MAGI1: variants seen among roughly 807,000 people sequenced by gnomAD.
MAGI1 encodes membrane-associated guanylate kinase, WW and PDZ domain-containing protein 1.
A neutral mutation model predicts 139.9 loss-of-function variants in MAGI1; 58 were observed. The ratio of observed to expected loss-of-function variants is 0.41; its 90% CI spans 0.34 to 0.52. The LOEUF (loss-of-function observed/expected upper bound fraction) is 0.52, where lower values mean the gene tolerates loss of function less well. Among genes scored for constraint, MAGI1 ranks in the 20% least tolerant of loss-of-function variants. The probability of loss-of-function intolerance (pLI) is 0.12; values close to 1 mark genes in which losing one functional copy is unlikely to be tolerated. For missense variants in MAGI1, 1,874 were observed against 1,901.6 expected (o/e 0.99, Z 0.27); for synonymous variants, 812 against 737.9 (o/e 1.10, Z -1.63).
chr3:65,560,528 T>C (rs1576322207), intron 2 of MAGI1, among the ~76,000 whole-genome samples: 1 of 152,326 alleles, frequency 6.6e-6, no homozygotes, highest in South Asian at 2.1e-4. Flanking sequence ...CTAGAACAAA[T>C]TCTAAAGATA....
intron 1 of MAGI1, among the ~76,000 whole-genome samples, chr3:65,949,156 C>G (rs2063676957): frequency 6.6e-6 from 1 of 152,188 alleles, no homozygotes; most frequent in African/African-American, 2.4e-5. Context: ...TATTAAAATG[C>G]AAGGCCCTTG....
At chr3:65,517,512 C>A (rs535452976) in intron 2 of MAGI1, among the ~76,000 whole-genome samples, 1 of 152,304 alleles carries the variant, frequency 6.6e-6, no homozygotes, top group South Asian at 2.1e-4. Flanking sequence ...CTGTATTTCC[C>A]AGGATTATTC....
At chr3:65,635,513 A>C (rs2084560084) in intron 1 of MAGI1, among the ~76,000 whole-genome samples, 1 of 152,240 alleles carries the variant, frequency 6.6e-6, no homozygotes, top group African/African-American at 2.4e-5. Flanking sequence ...CATATGAAGA[A>C]ACCAAGAGAG....
intron 2 of MAGI1, among the ~76,000 whole-genome samples, chr3:65,560,566 C>T (rs2080299214): frequency 6.6e-6 from 1 of 152,156 alleles, no homozygotes. Context: ...AGCCGGTCAT[C>T]TGCAATTAAT....
chr3:65,573,606 A>G (rs115681675), intron 2 of MAGI1, among the ~76,000 whole-genome samples: 2,915 of 152,202 alleles, frequency 0.019, 45 homozygotes, highest in Non-Finnish European at 0.029. Flanking sequence ...TGATGAAAAG[A>G]ATTTATGAAA....
intron 2 of MAGI1, among the ~76,000 whole-genome samples, chr3:65,582,827 A>G (rs2081501639): frequency 6.6e-6 from 1 of 152,228 alleles, no homozygotes; most frequent in African/African-American, 2.4e-5. Flanking sequence ...TACATACGCC[A>G]CATCAGCAAA....
chr3:65,453,375 G>GA (rs370264784), intron 5 of MAGI1, 35 bp from the exon 6 acceptor site: 63,000 of 826,956 alleles, frequency 0.076, 79 homozygotes, highest in African/African-American at 0.11. Flanking sequence ...AAATTTGTTT[G>GA]AAAAAAAAAA....
At chr3:65,865,253 G>A (rs991117877) in intron 1 of MAGI1, among the ~76,000 whole-genome samples, 6 of 152,144 alleles carry the variant, frequency 3.9e-5, no homozygotes, top group Non-Finnish European at 8.8e-5. Context: ...AGTCTAGGAT[G>A]TGAGCCAATA....
chr3:65,408,452 T>C (rs1414653751), intron 12 of MAGI1, among the ~76,000 whole-genome samples: 3 of 152,136 alleles, frequency 2.0e-5, no homozygotes, highest in Non-Finnish European at 1.5e-5. Flanking sequence ...TTGGGGGTAG[T>C]AGGTTGATGA....
intron 2 of MAGI1, among the ~76,000 whole-genome samples, chr3:65,583,891 G>T (rs2081551794): frequency 6.6e-6 from 1 of 152,078 alleles, no homozygotes; most frequent in Non-Finnish European, 1.5e-5. Context: ...AGATGAGACT[G>T]TGACCTCTAC....
At chr3:65,720,919 T>G (rs1308369762) in intron 1 of MAGI1, among the ~76,000 whole-genome samples, 2 of 151,988 alleles carry the variant, frequency 1.3e-5, no homozygotes, top group East Asian at 3.9e-4. Flanking sequence ...CTGGCTAATT[T>G]TTTGTAGAGA....
intron 1 of MAGI1, chr3:65,844,133 C>A: frequency 3.9e-6 from 2 of 519,254 alleles, no homozygotes; most frequent in South Asian, 2.8e-5. Flanking sequence ...GACACTGGGT[C>A]GGTGGCCCAA....
chr3:65,570,966 T>C (rs558373729), intron 2 of MAGI1, among the ~76,000 whole-genome samples: 2 of 152,336 alleles, frequency 1.3e-5, no homozygotes, highest in East Asian at 3.9e-4. Flanking sequence ...ATGGTATCTG[T>C]AGAAACGGAG....
chr3:65,683,275 T>C (rs748336761), intron 1 of MAGI1, among the ~76,000 whole-genome samples: 17 of 152,068 alleles, frequency 1.1e-4, no homozygotes, highest in Non-Finnish European at 2.4e-4. Context: ...GAGGTAACCC[T>C]AATGTACCCA....
At chr3:65,664,116 C>T (rs767121157) in intron 1 of MAGI1, among the ~76,000 whole-genome samples, 8 of 151,818 alleles carry the variant, frequency 5.3e-5, no homozygotes, top group Non-Finnish European at 1.2e-4. Context: ...TGCAACAGTT[C>T]CCAACTACTA....
At chr3:65,739,411 A>C (rs2107773320) in intron 1 of MAGI1, among the ~76,000 whole-genome samples, 1 of 152,292 alleles carries the variant, frequency 6.6e-6, no homozygotes, top group Admixed American at 6.5e-5. Flanking sequence ...ATTAGCAATA[A>C]GGATGTTGCA....
chr3:65,628,372 AG>A (rs142281987), intron 1 of MAGI1, among the ~76,000 whole-genome samples: 7,274 of 152,208 alleles, frequency 0.048, 565 homozygotes, highest in African/African-American at 0.16. Context: ...AAGTAAAATC[AG>A]CAAAGGAAAA....
rs2060149204 is a variant in MAGI1, at chr3:65,877,171, T to TTTTCCCA, written c.313+160824_313+160825insTGGGAAA. On this transcript the variant is annotated intron_variant, in intron 1 of 22. Coordinates refer to ENST00000402939, the MANE Select transcript of MAGI1 (RefSeq NM_001033057.2). ...TGATCAACATACTCTGTGGTCCAAC[T>TTTTCCCA]TATGGGACCTTTTCCCATATGGGAT... 2.6e-5 allele frequency among the ~76,000 whole-genome samples: 4 copies of TTTTCCCA among 152,218 alleles called. No homozygotes were observed. The South Asian group carries it at 8.3e-4, about 32-fold the overall frequency.
chr3:65,660,756 A>C (rs1047488239), intron 1 of MAGI1, among the ~76,000 whole-genome samples: 1 of 152,212 alleles, frequency 6.6e-6, no homozygotes, highest in African/African-American at 2.4e-5. Flanking sequence ...ATTCTGCTAT[A>C]ATGAAAGAAG....
Sources: allele counts gnomAD v4.1 joint callset (sites outside exome capture counted in the v4.1 genomes callset), GRCh38; gene constraint gnomAD v4.1.1; transcripts MANE v1.5; gene names NCBI Gene and HGNC (gene_info 2026-07-23, HGNC 2026-07-21).